The following DUOX2 variants were observed in gnomAD, a reference collection of about 807,000 sequenced individuals.
DUOX2 encodes the protein NADH/NADPH thyroid oxidase p138-tox.
DUOX2 carries 185 observed loss-of-function variants against 183.3 expected under a neutral mutation model. The ratio of observed to expected loss-of-function variants is 1.01; its 90% confidence interval spans 0.90 to 1.14. The LOEUF (loss-of-function observed/expected upper bound fraction) is 1.14. Ranked by LOEUF, DUOX2 falls within the 50% of genes most tolerant of loss-of-function variation. The pLI, the probability that DUOX2 is intolerant of heterozygous loss-of-function variation, is 0.00. For missense variants in DUOX2, 1,999 were observed against 2,022.9 expected (o/e 0.99, Z 0.23); for synonymous variants, 788 against 812.4 (o/e 0.97, Z 0.51).
At chr15:45,096,144 A>C in intron 29 of DUOX2, 84 bp from the exon 30 acceptor site, 1 of 1,184,626 alleles carries the variant, frequency 8.4e-7, no homozygotes. Context: ...TCCTCTTCAC[A>C]CCCCTGAGGC....
At position 45,112,703 on chromosome 15, in the gene DUOX2, C is replaced by T. The variant is rs1173473170; in HGVS notation, c.176G>A (p.Arg59His). The change falls in exon 4 of 34, where the codon CGC becomes CAC. Residue 59 changes from arginine to histidine, a missense_variant. This residue lies in a region of DUOX2 where 356 missense variants were observed against 356.4 expected (regional missense o/e 1.00). Transcript: ENST00000389039. ...GTCGGCGTAATTGGCTGGTACGCGG[C>T]GCTGCAACCGGCAGCCTGCGGAGGC... ...ERGAVGCRLQRRVPANYADGV... is the reference protein window; with the variant it reads ...ERGAVGCRLQHRVPANYADGV... The T allele has an allele frequency of 6.2e-7, 1 of 1,611,922 alleles. No individual in the cohort carries two copies. The highest frequency in any genetic ancestry group is 1.1e-5 in the South Asian group (1 of 91,088).
At position 45,112,979 on chromosome 15, in the gene DUOX2, G is replaced by T. The variant is rs752456410; in HGVS notation, c.160+8C>A. On this transcript the variant is annotated splice_region_variant and intron_variant, in intron 3 of 33. Coordinates refer to ENST00000389039, the MANE Select transcript of DUOX2 (RefSeq NM_001363711.2). ...CGGCCCCAGCACGCCCGGGCCCCCA[G>T]AACGCACCAACAGCACCACGCTCGT... The T allele has an allele frequency of 7.4e-6, 12 of 1,613,096 alleles. No homozygotes were observed. The highest frequency in any genetic ancestry group is 1.3e-5 in the African/African-American group (1 of 74,918).
intron 15 of DUOX2, 71 bp downstream of exon 15, chr15:45,106,761 T>C (rs1894226850): frequency 6.2e-7 from 1 of 1,603,390 alleles, no homozygotes. Flanking sequence ...CGGTACCAAA[T>C]AGCCAGCCCC....
chr15:45,111,075 C>A lies in DUOX2; in HGVS notation c.882+36G>T, dbSNP rs371974539. On this transcript the variant is annotated intron_variant, in intron 7 of 33. Coordinates refer to ENST00000389039, the MANE Select transcript of DUOX2 (RefSeq NM_001363711.2). ...GCGGAGTCTCCCGTGGGCTTGCACG[C>A]GGAAGGGAGGACGTCGCGGGGCGCG... 0.02 allele frequency: 15,568 copies of A among 773,546 alleles called. 538 individuals are homozygous for A. The highest frequency in any genetic ancestry group is 0.12 in the African/African-American group (6,452 of 54,574). The allele number at this position is 773,546 out of a possible 1,614,324, so 47.9% of individuals were successfully genotyped here.
rs375943962 is a variant in DUOX2 at position 45,099,378 on chromosome 15, C to A, written c.3515+5G>T. 8.8e-5 allele frequency: 142 copies of A among 1,613,100 alleles called. No individual in the cohort carries two copies. In the African/African-American group the frequency reaches 1.6e-3, roughly 19 times the overall value. ...GTCCCAGGAGAAACCATCCCCAGAACTGACCCATCATTCACAAAGACGTTG... is the reference window on the plus strand; with the variant it reads ...GTCCCAGGAGAAACCATCCCCAGAAATGACCCATCATTCACAAAGACGTTG... On this transcript the variant is annotated splice_donor_5th_base_variant and intron_variant, in intron 26 of 33. Coordinates refer to ENST00000389039, the MANE Select transcript of DUOX2 (RefSeq NM_001363711.2).
intron 32 of DUOX2, 99 bp downstream of exon 32, chr15:45,094,837 G>A: frequency 6.3e-7 from 1 of 1,595,988 alleles, no homozygotes; most frequent in Non-Finnish European, 8.6e-7. Context: ...CCTCCTGCCA[G>A]CTCAGCCTGG....
At chr15:45,101,351 C>G in intron 21 of DUOX2, 77 bp from the exon 22 acceptor site, 1 of 1,283,954 alleles carries the variant, frequency 7.8e-7, no homozygotes, top group Non-Finnish European at 1.1e-6. Flanking sequence ...TGCCCTCCTC[C>G]CTTCTGGGAA....
rs757765437 is a variant in DUOX2 at position 45,110,639 on chromosome 15, C to T, written c.943+11G>A. The T allele has an allele frequency of 6.1e-5, 98 of 1,613,174 alleles. No individual in the cohort carries two copies. The highest frequency in any genetic ancestry group is 2.5e-4 in the Admixed American group (15 of 59,994). ...TCTCCGCACAGGTGTCCTCCTTCCCCGCTCCCTCACCTGTATACTCCGGGA... is the reference window on the plus strand; with the variant it reads ...TCTCCGCACAGGTGTCCTCCTTCCCTGCTCCCTCACCTGTATACTCCGGGA... On this transcript the variant is annotated intron_variant, in intron 8 of 33. Transcript: ENST00000389039.
At chr15:45,099,353 G>T in intron 26 of DUOX2, 30 bp downstream of exon 26, 2 of 1,598,928 alleles carry the variant, frequency 1.3e-6, no homozygotes, top group Non-Finnish European at 1.7e-6. Flanking sequence ...CACCCTATGA[G>T]TCCCAGGAGA....
In DUOX2 at chr15:45,097,273, T is replaced by C. The variant is rs1424125450; in HGVS notation, c.3812A>G (p.Glu1271Gly). Reference protein sequence around the residue: ...KLVSLSRKKVEISVVKAELLP... With the variant: ...KLVSLSRKKVGISVVKAELLP... ...CAGCTCCGCCTTCACCACGCTGATC[T>C]CCACCTTCTTCCGGCTCAGGCTCAC... Residue 1271 changes from glutamate (E) to glycine (G), a missense_variant, in exon 29 of 34, where the codon GAG (glutamate) becomes GGG (glycine). Glu to Gly is a moderately conservative substitution (Grantham distance 98). Coordinates refer to ENST00000389039, the MANE Select transcript of DUOX2 (RefSeq NM_001363711.2). The C allele has an allele frequency of 6.2e-7, 1 of 1,614,240 alleles. No homozygotes were observed. The highest frequency in any genetic ancestry group is 2.2e-5 in the East Asian group (1 of 44,880).
Position 45,099,708 on chromosome 15 carries a change from TGCGGCATCAAAAGGCACATA to T in DUOX2, c.3349_3368del (p.Tyr1117SerfsTer48). The T allele has an allele frequency of 6.2e-7, 1 of 1,614,166 alleles. No homozygotes were observed. On this transcript the variant is annotated frameshift_variant, in exon 25 of 34. Transcript: ENST00000389039. LOFTEE classifies it high-confidence loss of function. The stretch of plus-strand genomic sequence containing the variant: ...TGGCGATCCAGCGGTGGAAGTCCAC[TGCGGCATCAAAAGGCACATA>T]GCGGTTGAGGAAAGTCTCTCGCAGG...
At position 45,095,905 on chromosome 15, in the gene DUOX2, C is replaced by G; in HGVS notation, c.4003G>C (p.Ala1335Pro). 1 of 1,613,894 alleles carries G rather than the reference C, an allele frequency of 6.2e-7. No homozygotes were observed. The highest frequency in any genetic ancestry group is 2.2e-5 in the East Asian group (1 of 44,858). The change falls in exon 30 of 34, where the codon GCA (alanine) becomes CCA (proline). Residue 1335 changes from alanine (A) to proline (P), a missense_variant. By Grantham distance (27) the Ala-to-Pro change is conservative (BLOSUM62 -1). Transcript: ENST00000389039. ...AGGCGAGTGGTCCAGGGCCCCACTG[C>G]CCGGATGTGCAGGCTGAGTGTGTCC... Reference protein sequence around the residue: ...HEDTLSLHIRAVGPWTTRLRE... With the variant: ...HEDTLSLHIRPVGPWTTRLRE...
In DUOX2 at chr15:45,109,960, C is replaced by T. The variant is rs370954970; in HGVS notation, c.1061G>A (p.Arg354Gln). 4.0e-5 allele frequency: 65 copies of T among 1,614,058 alleles called. No individual in the cohort carries two copies. The South Asian group carries it at 4.3e-4, about 11-fold the overall frequency. ...VYMRNASCHF[R>Q]KVLNKGFQSS... is the part of the protein sequence containing the mutation. The stretch of plus-strand genomic sequence containing the variant: ...TTGAAAACCCTTGTTCAGGACCTTC[C>T]GGAAATGACAGCTGGCATTTCTGAA... Residue 354 changes from arginine (R) to glutamine (Q), a missense_variant, in exon 10 of 34, where the codon CGG (arginine) becomes CAG (glutamine). Arg to Gln is a conservative substitution (Grantham distance 43). Transcript: ENST00000389039.
rs983178119 is a variant in DUOX2, at chr15:45,094,026, C to A, written c.*124G>T. 3.1e-6 allele frequency: 4 copies of A among 1,311,020 alleles called. No individual in the cohort carries two copies. The African/African-American group carries it at 5.8e-5, about 19-fold the overall frequency. 81.2% of individuals were successfully genotyped at this position (1,311,020 alleles called of 1,614,324 possible). ...AATATTCTCCCAATATTGGGAGGGG[C>A]TCTGCAGCCCTCCAGCTGAGGCCTA... On this transcript the variant is annotated 3_prime_UTR_variant, in exon 34 of 34. Coordinates refer to ENST00000389039, the MANE Select transcript of DUOX2 (RefSeq NM_001363711.2).
intron 5 of DUOX2, 25 bp downstream of exon 5, chr15:45,111,743 C>T (rs972677231): frequency 1.3e-6 from 2 of 1,538,298 alleles, no homozygotes; most frequent in African/African-American, 2.8e-5. Context: ...GGTGCGGTCC[C>T]TTCCCGCCGC....
intron 8 of DUOX2, 37 bp from the exon 9 acceptor site, chr15:45,110,561 T>C (rs369596611): frequency 6.2e-7 from 1 of 1,613,508 alleles, no homozygotes; most frequent in African/African-American, 1.3e-5. Flanking sequence ...GGAGACAGGC[T>C]TCTTGCCTCC....
In DUOX2 at chr15:45,097,621, T is replaced by C. The variant is rs1807992002; in HGVS notation, c.3686A>G (p.Tyr1229Cys). ...WLTHHLYILL[Y>C]ALLIIHGSYA... ...CCCAGGGAAGTCCCTCACCAGGGCA[T>C]AGAGCAGGATGTAGAGGTGGTGGGT... Residue 1229 changes from tyrosine to cysteine, a missense_variant, in exon 28 of 34, where the codon TAT becomes TGT. Transcript: ENST00000389039. 1.2e-6 allele frequency: 2 copies of C among 1,614,194 alleles called. No individual in the cohort carries two copies. The highest frequency in any genetic ancestry group is 2.2e-5 in the East Asian group (1 of 44,876).
At chr15:45,099,224 A>G in intron 26 of DUOX2, 159 bp downstream of exon 26, 1 of 601,112 alleles carries the variant, frequency 1.7e-6, no homozygotes, top group Non-Finnish European at 3.1e-6. Context: ...GTTAGCCAGG[A>G]TGGTCTCGAT....
intron 20 of DUOX2, 101 bp from the exon 21 acceptor site, chr15:45,102,090 G>A: frequency 2.1e-6 from 3 of 1,445,764 alleles, no homozygotes; most frequent in East Asian, 2.4e-5. Context: ...GTGGTTACCA[G>A]TGACCCGGGA....
Sources: gnomAD v4.1 joint callset for allele counts on GRCh38, gnomAD v4.1.1 for gene constraint, gnomAD v4.1.1 regional missense constraint, MANE v1.5 for transcripts, NCBI Gene and HGNC (gene_info 2026-07-23, HGNC 2026-07-21) for gene names.